The following PCCA variants were observed in gnomAD, a reference collection of about 807,000 sequenced individuals.
The protein encoded by PCCA is propionyl-CoA carboxylase subunit alpha.
In PCCA, 74 loss-of-function variants were observed where a neutral mutation model predicts 101.3. The ratio of observed to expected loss-of-function variants is 0.73; its 90% CI spans 0.61 to 0.89. The LOEUF is 0.89. PCCA is among the 40% of genes least tolerant of loss of function. The probability of loss-of-function intolerance (pLI) is 0.00; values close to 1 mark genes in which losing one functional copy is unlikely to be tolerated. For missense variants in PCCA, 891 were observed against 907.0 expected (o/e 0.98, Z 0.23); for synonymous variants, 294 against 313.6 (o/e 0.94, Z 0.66).
intron 7 of PCCA, among the ~76,000 whole-genome samples, chr13:100,211,675 T>C (rs2059219819): frequency 6.6e-6 from 1 of 152,334 alleles, no homozygotes; most frequent in Admixed American, 6.5e-5. Flanking sequence ...TTTATTGTGC[T>C]AACTTGCCCT....
chr13:100,422,070 T>TCTTTCTTTC lies in PCCA; in HGVS notation c.1747-3563_1747-3562insCTTTCTTTC, dbSNP rs1555454058. Among the ~76,000 whole-genome samples the TCTTTCTTTC allele has an allele frequency of 4.5e-3, 496 of 110,700 alleles. 11 individuals are homozygous for TCTTTCTTTC. The highest frequency in any genetic ancestry group is 0.016 in the African/African-American group (469 of 28,816). The allele number at this position is 110,700 out of a possible 152,430, so 72.6% of individuals were successfully genotyped here. ...TCTTTTCCTTTTCTCTTCTCTTTTC[T>TCTTTCTTTC]TTTCTTTCTTTCTTTCTTTCTTTCT... is the stretch of plus-strand genomic sequence containing the variant. On this transcript the variant is annotated intron_variant, in intron 19 of 23. Transcript: ENST00000376285.
chr13:100,243,787 G>A (rs1220562323), intron 8 of PCCA, among the ~76,000 whole-genome samples: 1 of 152,170 alleles, frequency 6.6e-6, no homozygotes, highest in Non-Finnish European at 1.5e-5. Flanking sequence ...TCTCTGCGTA[G>A]TGTGTGGGGG....
rs565298926 is a variant in PCCA at position 100,274,351 on chromosome 13, T to C, written c.1065+1005T>C. ...TGGAACTCCTGTATGATACATTTTCTAAGAAAATGCCACTATTTCTTTATC... is the reference window on the plus strand; with the variant it reads ...TGGAACTCCTGTATGATACATTTTCCAAGAAAATGCCACTATTTCTTTATC... On this transcript the variant is annotated intron_variant, in intron 12 of 23. Coordinates refer to ENST00000376285, the MANE Select transcript of PCCA (RefSeq NM_000282.4). 6.6e-5 allele frequency among the ~76,000 whole-genome samples: 10 copies of C among 152,388 alleles called. No homozygotes were observed. The South Asian group carries it at 2.1e-3, about 32-fold the overall frequency.
At chr13:100,341,281 A>G (rs570761469) in intron 18 of PCCA, among the ~76,000 whole-genome samples, 27 of 152,308 alleles carry the variant, frequency 1.8e-4, no homozygotes, top group African/African-American at 5.5e-4. Flanking sequence ...TCTGTTTAAT[A>G]TCTTCTTTCC....
At chr13:100,513,832 T>G (rs1284949864) in intron 21 of PCCA, among the ~76,000 whole-genome samples, 1 of 152,212 alleles carries the variant, frequency 6.6e-6, no homozygotes, top group African/African-American at 2.4e-5. Context: ...CGATACCAAC[T>G]AGAAAAGTAA....
intron 21 of PCCA, among the ~76,000 whole-genome samples, chr13:100,462,041 G>A (rs1284371053): frequency 1.3e-5 from 2 of 152,068 alleles, no homozygotes; most frequent in African/African-American, 2.4e-5. Context: ...GGGTGATGAA[G>A]TTTTCTGATG....
chr13:100,414,335 T>TC (rs1488880278), intron 19 of PCCA, among the ~76,000 whole-genome samples: 2 of 152,212 alleles, frequency 1.3e-5, no homozygotes, highest in East Asian at 3.8e-4. Flanking sequence ...CCATCTCATT[T>TC]CCCTCTGGGA....
intron 4 of PCCA, among the ~76,000 whole-genome samples, chr13:100,129,517 C>T (rs1441186948): frequency 6.6e-6 from 1 of 152,190 alleles, no homozygotes; most frequent in Non-Finnish European, 1.5e-5. Flanking sequence ...TTCTCTCTCA[C>T]CCCGGCCATT....
chr13:100,140,230 A>T (rs1207775376), intron 4 of PCCA, among the ~76,000 whole-genome samples: 1 of 152,128 alleles, frequency 6.6e-6, no homozygotes, highest in Non-Finnish European at 1.5e-5. Flanking sequence ...TGTGTCCAGG[A>T]CGTGTAAAGA....
chr13:100,179,942 A>C (rs113322776), intron 6 of PCCA, among the ~76,000 whole-genome samples: 1 of 152,218 alleles, frequency 6.6e-6, no homozygotes, highest in South Asian at 2.1e-4. Context: ...GAATATAGAG[A>C]TTGGATATAG....
In PCCA at chr13:100,469,211, C is replaced by CAAAAAAAAAAAAAAAAAAAAAAAA. The variant is rs534361898; in HGVS notation, c.1899+19922_1899+19923insAAAAAAAAAAAAAAAAAAAAAAAA. On this transcript the variant is annotated intron_variant, in intron 21 of 23. Coordinates refer to ENST00000376285, the MANE Select transcript of PCCA (RefSeq NM_000282.4). ...GGGCAACAAGAGTGAAACTCCGTCT[C>CAAAAAAAAAAAAAAAAAAAAAAAA]AAAAAAAAAAAAAAAAGAATCCCTT... 2.4e-3 allele frequency among the ~76,000 whole-genome samples: 153 copies of CAAAAAAAAAAAAAAAAAAAAAAAA among 64,894 alleles called. 5 individuals carry two copies. The highest frequency in any genetic ancestry group is 3.1e-3 in the Non-Finnish European group (104 of 33,192). The allele number at this position is 64,894 out of a possible 152,430, so 42.6% of individuals were successfully genotyped here. A position where few individuals can be genotyped will look rare whatever the true frequency, so the allele number is the denominator to read the frequency against.
chr13:100,434,866 T>A (rs1035714404), intron 20 of PCCA, among the ~76,000 whole-genome samples: 2 of 152,234 alleles, frequency 1.3e-5, no homozygotes, highest in African/African-American at 4.8e-5. Context: ...CCTTAAATTC[T>A]AAGCTTAAGA....
intron 7 of PCCA, among the ~76,000 whole-genome samples, chr13:100,220,515 C>A: frequency 6.6e-6 from 1 of 151,532 alleles, no homozygotes; most frequent in East Asian, 1.9e-4. Flanking sequence ...AAGTGATCCA[C>A]CTGCCTCGGC....
intron 21 of PCCA, 30 bp from the exon 22 acceptor site, chr13:100,515,397 T>C (rs2086758189): frequency 6.2e-7 from 1 of 1,607,992 alleles, no homozygotes; most frequent in African/African-American, 1.3e-5. Flanking sequence ...TTTAAACTCA[T>C]TTATGGTTTG....
chr13:100,089,098 A>G lies in PCCA; in HGVS notation c.-23A>G. On this transcript the variant is annotated 5_prime_UTR_variant, in exon 1 of 24. Transcript: ENST00000376285. ...CTCCGGCTGTGTGAGAGGTCAGCAG[A>G]GGGGCGGTCTGCGGGGACAACAATG... 1 of 1,463,628 alleles carries G rather than the reference A, an allele frequency of 6.8e-7. No homozygotes were observed. The highest frequency in any genetic ancestry group is 9.1e-7 in the Non-Finnish European group (1 of 1,101,182). The allele number at this position is 1,463,628 out of a possible 1,614,324, so 90.7% of individuals were successfully genotyped here.
intron 19 of PCCA, among the ~76,000 whole-genome samples, chr13:100,402,842 T>A (rs2152857052): frequency 6.6e-6 from 1 of 152,226 alleles, no homozygotes; most frequent in South Asian, 2.1e-4. Context: ...TTAGGCTGAA[T>A]TGGCTAGTCC....
chr13:100,494,478 G>T (rs2085128377), intron 21 of PCCA, among the ~76,000 whole-genome samples: 2 of 152,020 alleles, frequency 1.3e-5, no homozygotes, highest in Non-Finnish European at 2.9e-5. Context: ...GAGGTCGGGA[G>T]TTTGAGACCA....
chr13:100,482,716 G>A (rs979464551), intron 21 of PCCA, among the ~76,000 whole-genome samples: 8 of 152,202 alleles, frequency 5.3e-5, no homozygotes, highest in African/African-American at 1.4e-4. Flanking sequence ...AGCCTCCCGA[G>A]TTGCTGGGAT....
intron 1 of PCCA, among the ~76,000 whole-genome samples, chr13:100,093,599 G>A (rs1180900772): frequency 6.6e-6 from 1 of 152,022 alleles, no homozygotes; most frequent in Non-Finnish European, 1.5e-5. Context: ...TATGTCCCAG[G>A]TGCAGAGAGG....
Sources: gnomAD v4.1 joint callset for allele counts (sites outside exome capture counted in the v4.1 genomes callset) on GRCh38, gnomAD v4.1.1 for gene constraint, MANE v1.5 for transcripts, NCBI Gene and HGNC (gene_info 2026-07-23, HGNC 2026-07-21) for gene names.